TRIM2: variants seen among roughly 807,000 people sequenced by gnomAD.
TRIM2 encodes tripartite motif-containing protein 2.
Under a neutral mutation model 75.2 loss-of-function variants are expected in TRIM2, and 20 were observed. The observed-to-expected ratio is 0.27, with a 90% CI of 0.19 to 0.39. The LOEUF (loss-of-function observed/expected upper bound fraction) is 0.39, where lower values mean the gene tolerates loss of function less well. Among genes scored for constraint, TRIM2 ranks in the 10% least tolerant of loss-of-function variants. TRIM2 has a pLI of 1.00. For missense variants in TRIM2, 660 were observed against 990.8 expected, an observed-to-expected ratio of 0.67 and a Z score of 4.48; for synonymous variants, 373 against 388.3, an observed-to-expected ratio of 0.96 and a Z score of 0.46.
chr4:153,236,480 T>C (rs2149820977), intron 1 of TRIM2, among the ~76,000 whole-genome samples: 1 of 152,312 alleles, frequency 6.6e-6, no homozygotes, highest in South Asian at 2.1e-4. Flanking sequence ...ATGACAATTC[T>C]AGAACCTTTA....
Position 153,335,787 on chromosome 4 carries a change from G to A in TRIM2, c.*821G>A. On this transcript the variant is annotated 3_prime_UTR_variant, in exon 12 of 12. Transcript: ENST00000338700. ...CACTGGAATGTAATCAAGAAAGTTA[G>A]TCATGTTTTATGTACCATGTTTTCA... The A allele has an allele frequency of 6.1e-6, 6 of 985,844 alleles. No homozygotes were observed. Among genetic ancestry groups the A allele is most frequent in the Non-Finnish European group, 7.2e-6 (6 of 829,928 alleles). 61.1% of individuals were successfully genotyped at this position (985,844 alleles called of 1,614,324 possible). A position where few individuals can be genotyped will look rare whatever the true frequency, so the allele number is the denominator to read the frequency against.
At chr4:153,219,193 A>C (rs1579685654) in intron 1 of TRIM2, among the ~76,000 whole-genome samples, 1 of 152,334 alleles carries the variant, frequency 6.6e-6, no homozygotes, top group Middle Eastern at 3.4e-3. Flanking sequence ...GCTATTTCAA[A>C]GAGGTGCATT....
chr4:153,276,178 G>C, intron 3 of TRIM2, 48 bp downstream of exon 3: 1 of 1,499,848 alleles, frequency 6.7e-7, no homozygotes, highest in Non-Finnish European at 9.3e-7. Context: ...GACTACTGTG[G>C]CCTTGGGGAG....
intron 10 of TRIM2, among the ~76,000 whole-genome samples, chr4:153,324,730 G>A (rs907491726): frequency 6.6e-6 from 1 of 152,102 alleles, no homozygotes; most frequent in Non-Finnish European, 1.5e-5. Flanking sequence ...TAATAAAATG[G>A]TTCAAAACAC....
intron 1 of TRIM2, among the ~76,000 whole-genome samples, chr4:153,223,192 C>G (rs1741154771): frequency 6.6e-6 from 1 of 152,160 alleles, no homozygotes; most frequent in Admixed American, 6.5e-5. Flanking sequence ...GTCGGCGCGG[C>G]GCAGAGCTGT....
intron 1 of TRIM2, among the ~76,000 whole-genome samples, chr4:153,189,580 A>C (rs761137443): frequency 6.6e-6 from 1 of 151,946 alleles, no homozygotes; most frequent in Non-Finnish European, 1.5e-5. Context: ...CCTGTCCACT[A>C]TTCCACCCTA....
intron 2 of TRIM2, among the ~76,000 whole-genome samples, chr4:153,273,181 C>G (rs1471033458): frequency 6.6e-6 from 1 of 151,624 alleles, no homozygotes; most frequent in African/African-American, 2.4e-5. Context: ...CAGCTTGTCT[C>G]ACTGTCAGGA....
At chr4:153,294,647 CA>C (rs754326161) in intron 5 of TRIM2, among the ~76,000 whole-genome samples, 162 bp downstream of exon 5, 5 of 152,164 alleles carry the variant, frequency 3.3e-5, no homozygotes, top group Non-Finnish European at 7.4e-5. Context: ...CCCCTATTTT[CA>C]GCAAAATTCG....
chr4:153,164,966 G>C (rs1730144351), intron 1 of TRIM2, among the ~76,000 whole-genome samples: 1 of 151,316 alleles, frequency 6.6e-6, no homozygotes, highest in African/African-American at 2.4e-5. Flanking sequence ...TTTTATACTA[G>C]ATTTTCTATG....
chr4:153,192,047 G>A (rs774459846), intron 1 of TRIM2, among the ~76,000 whole-genome samples: 21 of 151,930 alleles, frequency 1.4e-4, no homozygotes, highest in African/African-American at 2.4e-4. Context: ...CCATCTCCAC[G>A]TACCCCTTTT....
intron 6 of TRIM2, among the ~76,000 whole-genome samples, chr4:153,299,053 A>T (rs1010710755): frequency 6.6e-6 from 1 of 152,092 alleles, no homozygotes; most frequent in Non-Finnish European, 1.5e-5. Context: ...TATATTAACT[A>T]TAGTCACCAT....
chr4:153,175,774 G>A (rs1731372521), intron 1 of TRIM2, among the ~76,000 whole-genome samples: 1 of 152,184 alleles, frequency 6.6e-6, no homozygotes. Flanking sequence ...GGGATAATTG[G>A]TGAAGTTGGA....
intron 1 of TRIM2, chr4:153,157,313 G>A (rs934171715): frequency 6.6e-6 from 1 of 152,154 alleles, no homozygotes; most frequent in African/African-American, 2.4e-5. Context: ...CCAAAGCCAT[G>A]GCCATGCTGT....
At chr4:153,330,378 C>G (rs958654505) in intron 11 of TRIM2, among the ~76,000 whole-genome samples, 6 of 152,084 alleles carry the variant, frequency 3.9e-5, no homozygotes, top group African/African-American at 1.4e-4. Flanking sequence ...AGCTACAGAC[C>G]ATATTCCTCC....
In TRIM2 at chr4:153,335,837, C is replaced by G. The variant is rs1465527400; in HGVS notation, c.*871C>G. On this transcript the variant is annotated 3_prime_UTR_variant, in exon 12 of 12. Transcript: ENST00000338700. ...ACACGTGTCTCTTCTCTTCGACTTC[C>G]TGAAAGCGAAAGCTTTACCTCCTGC... 23 of 985,766 alleles carry G rather than the reference C, an allele frequency of 2.3e-5. No individual in the cohort carries two copies. Among genetic ancestry groups the G allele is most frequent in the Non-Finnish European group, 2.8e-5 (23 of 829,906 alleles). The allele number at this position is 985,766 out of a possible 1,614,324, so 61.1% of individuals were successfully genotyped here.
chr4:153,204,332 AGCCCAAAGAG>A, upstream of TRIM2: 1 of 611,072 alleles, frequency 1.6e-6, no homozygotes, highest in Non-Finnish European at 2.9e-6. Flanking sequence ...AAGCAAACAG[AGCCCAAAGAG>A]GCTGATCATT....
At chr4:153,268,429 G>C (rs11934452) in intron 1 of TRIM2, among the ~76,000 whole-genome samples, 1 of 151,998 alleles carries the variant, frequency 6.6e-6, no homozygotes. Flanking sequence ...ACCTATGCCC[G>C]GGAATGAACA....
intron 1 of TRIM2, among the ~76,000 whole-genome samples, chr4:153,244,365 T>TCCCCTTCTC (rs1748150277): frequency 2.4e-5 from 1 of 42,144 alleles, no homozygotes; most frequent in Non-Finnish European, 3.8e-5. Context: ...CTCTTCTTCT[T>TCCCCTTCTC]CTTCTTCTTC....
intron 1 of TRIM2, among the ~76,000 whole-genome samples, chr4:153,208,429 TAATA>T (rs1736050570): frequency 6.6e-6 from 1 of 151,990 alleles, no homozygotes; most frequent in Non-Finnish European, 1.5e-5. Context: ...TCTAAAATTA[TAATA>T]AATAATTTTA....
Sources: gnomAD v4.1 joint callset for allele counts (sites outside exome capture counted in the v4.1 genomes callset) on GRCh38, gnomAD v4.1.1 for gene constraint, MANE v1.5 for transcripts, NCBI Gene and HGNC (gene_info 2026-07-23, HGNC 2026-07-21) for gene names.